PRKN: variants seen among roughly 807,000 people sequenced by gnomAD.
The protein encoded by PRKN is E3 ubiquitin-protein ligase parkin.
Under a neutral mutation model 59.5 loss-of-function variants are expected in PRKN, and 56 were observed. The observed-to-expected ratio is 0.94, with a 90% CI of 0.76 to 1.18. The LOEUF (loss-of-function observed/expected upper bound fraction) is 1.18, where lower values mean the gene tolerates loss of function less well. Ranked by LOEUF, PRKN falls within the 50% of genes most tolerant of loss-of-function variation. The probability of loss-of-function intolerance (pLI) is 0.00; values close to 1 mark genes in which losing one functional copy is unlikely to be tolerated. For missense variants in PRKN, 657 were observed against 596.4 expected (o/e 1.10, Z -1.06); for synonymous variants, 250 against 222.1 (o/e 1.13, Z -1.12).
intron 1 of PRKN, among the ~76,000 whole-genome samples, chr6:162,609,942 A>C (rs761003002): frequency 6.6e-6 from 1 of 152,234 alleles, no homozygotes; most frequent in Admixed American, 6.5e-5. Context: ...TTATACATTA[A>C]TTACATGGAT....
At chr6:161,853,083 A>T (rs1238144482) in intron 6 of PRKN, among the ~76,000 whole-genome samples, 4 of 152,172 alleles carry the variant, frequency 2.6e-5, no homozygotes, top group Non-Finnish European at 5.9e-5. Flanking sequence ...TCAGTAGCAA[A>T]ATCACTTTAT....
At chr6:162,414,673 T>A (rs902138767) in intron 2 of PRKN, among the ~76,000 whole-genome samples, 5 of 130,304 alleles carry the variant, frequency 3.8e-5, no homozygotes, top group African/African-American at 1.2e-4. Context: ...ATCGCACCAC[T>A]GCACTCCAGC....
rs377092511 is a variant in PRKN at position 161,417,343 on chromosome 6, G to A, written c.1084-30466C>T. Among the ~76,000 whole-genome samples the A allele has an allele frequency of 1.8e-4, 27 of 151,834 alleles. No individual in the cohort carries two copies. The highest frequency in any genetic ancestry group is 5.3e-4 in the African/African-American group (22 of 41,272). The stretch of plus-strand genomic sequence containing the variant: ...CGCCTGCCTGTAGTCGCAGCTACTC[G>A]GGAGGCTAAGGCAGCAGAATCACTT... On this transcript the variant is annotated intron_variant, in intron 9 of 11. Coordinates refer to ENST00000366898, the MANE Select transcript of PRKN (RefSeq NM_004562.3). This position sits in a 1 kb window ranked among gnomAD's most constrained non-coding sequence, Gnocchi z 5.4.
chr6:162,695,565 T>C (rs1454254461), intron 1 of PRKN, among the ~76,000 whole-genome samples: 1 of 152,206 alleles, frequency 6.6e-6, no homozygotes, highest in Non-Finnish European at 1.5e-5. Flanking sequence ...TCATTTTCCA[T>C]CATTCATTTT....
rs2115308447 is a variant in PRKN, at chr6:161,503,626, T to G, written c.1083+45228A>C. The stretch of plus-strand genomic sequence containing the variant: ...ATGGGGGCGACCTAGTCTAGCTGGG[T>G]TCTAAGGCAGTTGCTCTGCCCCCAG... On this transcript the variant is annotated intron_variant, in intron 9 of 11. Transcript: ENST00000366898. The surrounding 1 kb of genome is among the most constrained non-coding windows in gnomAD (Gnocchi z 5.1). Among the ~76,000 whole-genome samples the G allele has an allele frequency of 6.6e-6, 1 of 152,290 alleles. No homozygotes were observed. Among genetic ancestry groups the G allele is most frequent in the South Asian group, 2.1e-4 (1 of 4,822 alleles).
intron 5 of PRKN, among the ~76,000 whole-genome samples, chr6:162,015,573 CT>C (rs112842487): frequency 0.077 from 11,700 of 152,180 alleles, 519 homozygotes; most frequent in Middle Eastern, 0.11. Context: ...CTGCTGAATC[CT>C]GTTTTCAATG....
chr6:162,357,510 A>G (rs1419674306), intron 2 of PRKN, among the ~76,000 whole-genome samples: 5 of 152,186 alleles, frequency 3.3e-5, no homozygotes, highest in African/African-American at 1.2e-4. Flanking sequence ...GAGAATGTGG[A>G]GCAAAAAGAA....
chr6:162,714,051 T>C (rs192790076), intron 1 of PRKN, among the ~76,000 whole-genome samples: 326 of 152,288 alleles, frequency 2.1e-3, no homozygotes, highest in African/African-American at 7.6e-3. Flanking sequence ...CGTTTGATCA[T>C]TTCTCCGCCC....
intron 5 of PRKN, among the ~76,000 whole-genome samples, chr6:161,985,787 C>CCTCTCCCTTG (rs1468999377): frequency 1.3e-5 from 2 of 152,182 alleles, no homozygotes; most frequent in Non-Finnish European, 2.9e-5. Flanking sequence ...CACCTGCCCA[C>CCTCTCCCTTG]CTCTCCCTTG....
intron 2 of PRKN, among the ~76,000 whole-genome samples, chr6:162,335,612 CAG>C (rs1783808089): frequency 6.6e-6 from 1 of 152,154 alleles, no homozygotes; most frequent in South Asian, 2.1e-4. Context: ...ACAACATACT[CAG>C]AGTGAGATTA....
rs2115170857 is a variant in PRKN, at chr6:161,463,352, A to G, written c.1084-76475T>C. ...GGTTCTACCTGGCTTATCCTTACTGATCCTGCCTAACTGGCTCTTGAATCA... is the reference window on the plus strand; with the variant it reads ...GGTTCTACCTGGCTTATCCTTACTGGTCCTGCCTAACTGGCTCTTGAATCA... On this transcript the variant is annotated intron_variant, in intron 9 of 11. Coordinates refer to ENST00000366898, the MANE Select transcript of PRKN (RefSeq NM_004562.3). This position sits in a 1 kb window ranked among gnomAD's most constrained non-coding sequence, Gnocchi z 4.8. 6.6e-6 allele frequency among the ~76,000 whole-genome samples: 1 copy of G among 152,250 alleles called. No individual in the cohort carries two copies. The highest frequency in any genetic ancestry group is 2.1e-4 in the South Asian group (1 of 4,826).
At chr6:161,914,538 C>A (rs768665363) in intron 6 of PRKN, among the ~76,000 whole-genome samples, 1 of 151,668 alleles carries the variant, frequency 6.6e-6, no homozygotes, top group Non-Finnish European at 1.5e-5. Flanking sequence ...TAACGTGAAA[C>A]ATGTAACTTT....
Position 161,407,223 on chromosome 6 carries a change from G to C in PRKN, c.1084-20346C>G, listed in dbSNP as rs115962829. On this transcript the variant is annotated intron_variant, in intron 9 of 11. Coordinates refer to ENST00000366898, the MANE Select transcript of PRKN (RefSeq NM_004562.3). This position sits in a 1 kb window ranked among gnomAD's most constrained non-coding sequence, Gnocchi z 4.9. ...CATACCAAAATTATAACTGCTAAGA[G>C]AGATGTTAATGGTAATTAATCATGA... 3.4e-3 allele frequency among the ~76,000 whole-genome samples: 514 copies of C among 152,222 alleles called. 8 individuals carry two copies. The highest frequency in any genetic ancestry group is 0.012 in the African/African-American group (498 of 41,506).
At chr6:162,237,641 T>C (rs1319895175) in intron 3 of PRKN, among the ~76,000 whole-genome samples, 3 of 152,160 alleles carry the variant, frequency 2.0e-5, no homozygotes, top group Non-Finnish European at 4.4e-5. Context: ...GGCATGCTTA[T>C]GGCATCCCAG....
intron 7 of PRKN, among the ~76,000 whole-genome samples, chr6:161,643,594 CTACTT>C (rs952667071): frequency 5.9e-5 from 9 of 152,234 alleles, no homozygotes; most frequent in African/African-American, 2.2e-4. Context: ...ATATTGCAAT[CTACTT>C]TATTTAGGTA....
chr6:162,484,392 T>C (rs1248832194), intron 1 of PRKN, among the ~76,000 whole-genome samples: 1 of 152,124 alleles, frequency 6.6e-6, no homozygotes, highest in South Asian at 2.1e-4. Flanking sequence ...CCTGCATACA[T>C]GCTAAAGATG....
chr6:161,932,716 A>G (rs1583364858), intron 6 of PRKN, among the ~76,000 whole-genome samples: 2 of 152,226 alleles, frequency 1.3e-5, no homozygotes, highest in Non-Finnish European at 1.5e-5. Context: ...ACAACACACA[A>G]TCTCAATTAT....
chr6:162,413,650 T>C (rs1356740722), intron 2 of PRKN, among the ~76,000 whole-genome samples: 1 of 152,246 alleles, frequency 6.6e-6, no homozygotes, highest in East Asian at 1.9e-4. Context: ...CTTCTAACAT[T>C]GCCGCTATTT....
At chr6:162,067,207 CT>C (rs1252883822) in intron 4 of PRKN, among the ~76,000 whole-genome samples, 1 of 152,146 alleles carries the variant, frequency 6.6e-6, no homozygotes, top group Non-Finnish European at 1.5e-5. Flanking sequence ...CCTATCTAAA[CT>C]TTTACATGAG....
Sources: allele counts gnomAD v4.1 joint callset (sites outside exome capture counted in the v4.1 genomes callset), GRCh38; gene constraint gnomAD v4.1.1; non-coding constraint Gnocchi (gnomAD v3.1); transcripts MANE v1.5; gene names NCBI Gene and HGNC (gene_info 2026-07-23, HGNC 2026-07-21).